The following COL1A1 variants were observed in gnomAD, a reference collection of about 807,000 sequenced individuals.
COL1A1 encodes the protein collagen alpha-1(I) chain.
Under a neutral mutation model 195.7 loss-of-function variants are expected in COL1A1, and 21 were observed. That is an observed-to-expected ratio of 0.11 (90% CI 0.08 to 0.15). The LOEUF is 0.15. Ranked by LOEUF, COL1A1 falls within the 10% of genes least tolerant of loss-of-function variation. The pLI, the probability that COL1A1 is intolerant of heterozygous loss-of-function variation, is 1.00. For synonymous variants in COL1A1, 749 were observed against 747.3 expected, an observed-to-expected ratio of 1.00 and a Z score of -0.04; for missense variants, 1,365 against 2,051.0, an observed-to-expected ratio of 0.67 and a Z score of 6.46.
chr17:50,197,820 T>A (rs763794953), intron 8 of COL1A1, 35 bp from the exon 9 acceptor site: 2 of 1,606,464 alleles, frequency 1.2e-6, no homozygotes, highest in Non-Finnish European at 1.7e-6. Context: ...AGAATATGGA[T>A]AAGAAAAAAA....
intron 29 of COL1A1, 152 bp downstream of exon 29, chr17:50,192,322 TC>T (rs1484678574): frequency 1.1e-6 from 1 of 895,464 alleles, no homozygotes; most frequent in African/African-American, 1.7e-5. Flanking sequence ...AGCCCCCACT[TC>T]CCTCTGTGCT....
At position 50,196,997 on chromosome 17, in the gene COL1A1, A is replaced by G. The variant is rs1907647982; in HGVS notation, c.804+13T>C. The G allele has an allele frequency of 6.2e-7, 1 of 1,613,890 alleles. No homozygotes were observed. The highest frequency in any genetic ancestry group is 8.5e-7 in the Non-Finnish European group (1 of 1,179,996). On this transcript the variant is annotated intron_variant, in intron 11 of 50. Transcript: ENST00000225964. ...GGGACTTGGGGAGCTTAAATGACTC[A>G]AAGGTGACTCACTCTGTGTCCCTTC...
chr17:50,199,679 G>C (rs1442393226), intron 2 of COL1A1, 74 bp downstream of exon 2: 7 of 1,605,298 alleles, frequency 4.4e-6, no homozygotes, highest in Non-Finnish European at 5.9e-6. Flanking sequence ...GCCAGCGAGC[G>C]CCGACCACCC....
Position 50,188,076 on chromosome 17 carries a change from G to A in COL1A1, c.3261+20C>T, listed in dbSNP as rs751540399. ...ATCTGTAGAGTTCTAAAGGCATGGG[G>A]GACACAGCAGGGTACTTACGGCGGG... is the stretch of plus-strand genomic sequence containing the variant. On this transcript the variant is annotated intron_variant, in intron 44 of 50. Coordinates refer to ENST00000225964, the MANE Select transcript of COL1A1 (RefSeq NM_000088.4). This position sits in a 1 kb window ranked among gnomAD's most constrained non-coding sequence, Gnocchi z 5.6. 25 of 1,612,628 alleles carry A rather than the reference G, an allele frequency of 1.6e-5. No individual in the cohort carries two copies. The highest frequency in any genetic ancestry group is 4.2e-6 in the Non-Finnish European group (5 of 1,179,336).
chr17:50,199,655 C>G, intron 2 of COL1A1, 65 bp from the exon 3 acceptor site: 1 of 1,612,418 alleles, frequency 6.2e-7, no homozygotes, highest in Non-Finnish European at 8.5e-7. Flanking sequence ...CGGCAGAGGC[C>G]TCCAGCACGG....
rs202185116 is a variant in COL1A1 at position 50,196,223 on chromosome 17, G to A, written c.958-24C>T. 38 of 1,613,854 alleles carry A rather than the reference G, an allele frequency of 2.4e-5. No individual in the cohort carries two copies. In the East Asian group the frequency reaches 6.9e-4, roughly 29 times the overall value. ...CCCTGCAGGAGAGAGGGGAAGCCCC[G>A]TTAAGTCCACTGAGCACTGGCCAGT... is the stretch of plus-strand genomic sequence containing the variant. On this transcript the variant is annotated intron_variant, in intron 14 of 50. Coordinates refer to ENST00000225964, the MANE Select transcript of COL1A1 (RefSeq NM_000088.4).
chr17:50,199,349 C>T, intron 4 of COL1A1, 22 bp from the exon 5 acceptor site: 1 of 1,590,550 alleles, frequency 6.3e-7, no homozygotes, highest in Non-Finnish European at 8.6e-7. Flanking sequence ...GAGGGCGGGG[C>T]CGGGGTGAGC....
intron 9 of COL1A1, 84 bp downstream of exon 9, chr17:50,197,648 C>T: frequency 8.7e-7 from 1 of 1,146,848 alleles, no homozygotes; most frequent in Non-Finnish European, 1.3e-6. Context: ...AGTATCGTTC[C>T]CAAATGTGGT....
Position 50,188,486 on chromosome 17 carries a change from C to A in COL1A1, c.3207+44G>T. The A allele has an allele frequency of 1.3e-6, 2 of 1,583,102 alleles. No homozygotes were observed. Among genetic ancestry groups the A allele is most frequent in the Non-Finnish European group, 1.7e-6 (2 of 1,152,438 alleles). On this transcript the variant is annotated intron_variant, in intron 43 of 50. Transcript: ENST00000225964. This position sits in a 1 kb window ranked among gnomAD's most constrained non-coding sequence, Gnocchi z 5.6. ...AGGCCTCTAAGGAGGCCTGAAGAGT[C>A]CCTGGCCTGACCAGGTACAGGGAAC...
Position 50,197,954 on chromosome 17 carries a change from C to A in COL1A1, c.637G>T (p.Ala213Ser). 1 of 1,614,000 alleles carries A rather than the reference C, an allele frequency of 6.2e-7. No individual in the cohort carries two copies. Among genetic ancestry groups the A allele is most frequent in the Non-Finnish European group, 8.5e-7 (1 of 1,179,952 alleles). The change falls in exon 8 of 51, where the codon GCT becomes TCT. Residue 213 changes from alanine to serine, a missense_variant. Ala to Ser is a moderately conservative substitution (Grantham distance 99). Around this residue, in one of 5 missense-constraint regions of COL1A1, gnomAD observed 226 missense variants for 372.9 expected, o/e 0.61. Transcript: ENST00000225964. ...TCTGTATAGAGAGTGCTTACTGAAG[C>A]TCCAGGCTCGCCAGGCTCACCAGGG... ...GPPGEPGEPG[A>S]SGPMGPRGPP...
In COL1A1 at chr17:50,190,274, G is replaced by T; in HGVS notation, c.2451+53C>A. On this transcript the variant is annotated intron_variant, in intron 35 of 50. Transcript: ENST00000225964. The surrounding 1 kb of genome is among the most constrained non-coding windows in gnomAD (Gnocchi z 4.7). ...CGCCTTTGTCCTCATTCCGTCCCTC[G>T]AGGTCCCAGGTCCCAGTCGGTGATG... 2 of 1,386,780 alleles carry T rather than the reference G, an allele frequency of 1.4e-6. No individual in the cohort carries two copies. Among genetic ancestry groups the T allele is most frequent in the East Asian group, 2.3e-5 (1 of 43,704 alleles). 85.9% of individuals were successfully genotyped at this position (1,386,780 alleles called of 1,614,324 possible). A position where few individuals can be genotyped will look rare whatever the true frequency, so the allele number is the denominator to read the frequency against.
chr17:50,191,510 A>T lies in COL1A1; in HGVS notation c.2128-20T>A, dbSNP rs949452888. The T allele has an allele frequency of 6.2e-7, 1 of 1,611,788 alleles. No individual in the cohort carries two copies. The highest frequency in any genetic ancestry group is 1.7e-5 in the Admixed American group (1 of 59,984). ...ATCACCCTATGTGACAACCAAGAAG[A>T]CTGGAGTGAGGCCTGGGGCCCCAAG... On this transcript the variant is annotated intron_variant, in intron 31 of 50. Transcript: ENST00000225964.
chr17:50,199,325 T>C lies in COL1A1; in HGVS notation c.372A>G (p.Gly124=), dbSNP rs1907860161. ...CATCTCGGCCAGGGGGGCCTGCGGGTCCCTGCAGGGGGAGAGGGCGGGGCC... is the reference window on the plus strand; with the variant it reads ...CATCTCGGCCAGGGGGGCCTGCGGGCCCCTGCAGGGGGAGAGGGCGGGGCC... ...KGDTGPRGPR[G]PAGPPGRDGI... The change falls in exon 5 of 51, where the codon GGA becomes GGG. Residue 124 remains glycine, a splice_region_variant and synonymous_variant. Transcript: ENST00000225964. 1 of 1,561,210 alleles carries C rather than the reference T, an allele frequency of 6.4e-7. No homozygotes were observed. The highest frequency in any genetic ancestry group is 1.2e-5 in the South Asian group (1 of 85,586).
At chr17:50,192,189 A>G in intron 29 of COL1A1, 165 bp from the exon 30 acceptor site, 3 of 820,460 alleles carry the variant, frequency 3.7e-6, no homozygotes, top group Non-Finnish European at 5.8e-6. Flanking sequence ...CCTCCTAGGG[A>G]TGTGTCAAAG....
rs776631611 is a variant in COL1A1 at position 50,185,591 on chromosome 17, G to A, written c.4306C>T (p.Arg1436Cys). The change falls in exon 51 of 51, where the codon CGC (arginine) becomes TGC (cysteine). Residue 1436 changes from arginine to cysteine, a missense_variant. This residue lies in a region of COL1A1 where 273 missense variants were observed against 338.6 expected (regional missense o/e 0.81). Coordinates refer to ENST00000225964, the MANE Select transcript of COL1A1 (RefSeq NM_000088.4). ...VIEYKTTKTS[R>C]LPIIDVAPLD... ...GGGGCCACATCGATGATGGGCAGGCGGGAGGTCTTGGTGGTTTTGTATTCA... is the reference window on the plus strand; with the variant it reads ...GGGGCCACATCGATGATGGGCAGGCAGGAGGTCTTGGTGGTTTTGTATTCA... 3 of 1,614,002 alleles carry A rather than the reference G, an allele frequency of 1.9e-6. No individual in the cohort carries two copies. Among genetic ancestry groups the A allele is most frequent in the Non-Finnish European group, 8.5e-7 (1 of 1,180,012 alleles).
At chr17:50,200,348 C>A (rs1174492423) in intron 1 of COL1A1, among the ~76,000 whole-genome samples, 1 of 151,688 alleles carries the variant, frequency 6.6e-6, no homozygotes, top group Non-Finnish European at 1.5e-5. Flanking sequence ...AGGAGGAGGG[C>A]GAGGGAGGAG....
At position 50,185,160 on chromosome 17, in the gene COL1A1, G is replaced by T. The variant is rs1253268385; in HGVS notation, c.*342C>A. ...AAAGGAGCAGAAAGGGCAGCATTGG[G>T]GTTTCATAAGCCCAACGGGCAGAAA... On this transcript the variant is annotated 3_prime_UTR_variant, in exon 51 of 51. Coordinates refer to ENST00000225964, the MANE Select transcript of COL1A1 (RefSeq NM_000088.4). The T allele has an allele frequency of 5.2e-5, 18 of 343,120 alleles. No individual in the cohort carries two copies. The highest frequency in any genetic ancestry group is 3.2e-4 in the Admixed American group (7 of 21,942). The allele number at this position is 343,120 out of a possible 1,614,324, so 21.3% of individuals were successfully genotyped here. A position where few individuals can be genotyped will look rare whatever the true frequency, so the allele number is the denominator to read the frequency against.
chr17:50,193,159 CTGTT>C (rs1907251456), intron 25 of COL1A1, 112 bp from the exon 26 acceptor site: 2 of 1,112,170 alleles, frequency 1.8e-6, no homozygotes, highest in East Asian at 2.5e-5. Context: ...TTTCAAAAGA[CTGTT>C]TGGCCCCCGG....
At chr17:50,200,248 C>T (rs573537477) in intron 1 of COL1A1, 10 of 461,622 alleles carry the variant, frequency 2.2e-5, no homozygotes, top group African/African-American at 1.8e-4. Context: ...GAAATAAAAA[C>T]CACAGGGTGA....
Sources: gnomAD v4.1 joint callset for allele counts (sites outside exome capture counted in the v4.1 genomes callset) on GRCh38, gnomAD v4.1.1 for gene constraint, gnomAD v4.1.1 regional missense constraint, Gnocchi (gnomAD v3.1) non-coding constraint, MANE v1.5 for transcripts, NCBI Gene and HGNC (gene_info 2026-07-23, HGNC 2026-07-21) for gene names.